Variants in RTN1 observed in about 807,000 individuals in gnomAD.
RTN1 encodes reticulon-1.
In RTN1, 25 loss-of-function variants were observed where a neutral mutation model predicts 65.5. The observed-to-expected ratio is 0.38, with a 90% confidence interval of 0.28 to 0.53. The LOEUF (loss-of-function observed/expected upper bound fraction) is 0.53, where lower values mean the gene tolerates loss of function less well. Among genes scored for constraint, RTN1 ranks in the 20% least tolerant of loss-of-function variants. The pLI, the probability that RTN1 is intolerant of heterozygous loss-of-function variation, is 0.79. For synonymous variants in RTN1, 471 were observed against 447.6 expected (o/e 1.05, Z -0.66); for missense variants, 983 against 1,025.4 (o/e 0.96, Z 0.57).
At chr14:59,639,141 T>G (rs1882725249) in intron 3 of RTN1, among the ~76,000 whole-genome samples, 1 of 152,112 alleles carries the variant, frequency 6.6e-6, no homozygotes, top group African/African-American at 2.4e-5. Context: ...GAATGGCCAG[T>G]TGGTTGAGCA....
At chr14:59,728,839 T>G (rs1308130894) in intron 2 of RTN1, among the ~76,000 whole-genome samples, 1 of 152,232 alleles carries the variant, frequency 6.6e-6, no homozygotes, top group African/African-American at 2.4e-5. Flanking sequence ...TTAGGCCCTT[T>G]TCTACACACT....
At chr14:59,682,196 TAC>T (rs1389383166) in intron 3 of RTN1, among the ~76,000 whole-genome samples, 3 of 152,202 alleles carry the variant, frequency 2.0e-5, no homozygotes, top group African/African-American at 7.2e-5. Context: ...TTGAGGACTT[TAC>T]ACACATTCTT....
At chr14:59,750,456 T>TATATA (rs1555358907) in intron 1 of RTN1, among the ~76,000 whole-genome samples, 4 of 27,564 alleles carry the variant, frequency 1.5e-4, no homozygotes, top group African/African-American at 5.2e-4. Flanking sequence ...ATCTATAATA[T>TATATA]ATATATCTAT....
rs1162362066 is a variant in RTN1, at chr14:59,836,736, AG to A, written c.241+33653del. Among the ~76,000 whole-genome samples, 1 of 152,194 alleles carries A rather than the reference AG, an allele frequency of 6.6e-6. No homozygotes were observed. The highest frequency in any genetic ancestry group is 1.5e-5 in the Non-Finnish European group (1 of 68,022). The stretch of plus-strand genomic sequence containing the variant: ...CCTGAAGCCAGACTTCAACAGGCAA[AG>A]ATGGGTCAAGGAGGAAGAAAGCCAA... On this transcript the variant is annotated intron_variant, in intron 1 of 8. Coordinates refer to ENST00000267484, the MANE Select transcript of RTN1 (RefSeq NM_021136.3). The surrounding 1 kb of genome is among the most constrained non-coding windows in gnomAD (Gnocchi z 4.9).
chr14:59,821,770 T>C (rs960154057), intron 1 of RTN1, among the ~76,000 whole-genome samples: 3 of 152,192 alleles, frequency 2.0e-5, no homozygotes, highest in Non-Finnish European at 4.4e-5. Flanking sequence ...ATCGAGATGA[T>C]TGTGTGGCTT....
At chr14:59,802,108 T>C (rs1222679192) in intron 1 of RTN1, among the ~76,000 whole-genome samples, 2 of 152,242 alleles carry the variant, frequency 1.3e-5, no homozygotes, top group African/African-American at 4.8e-5. Context: ...GAGTTACTAA[T>C]GTTAACTAAA....
At chr14:59,839,051 A>G (rs1161571791) in intron 1 of RTN1, among the ~76,000 whole-genome samples, 3 of 152,180 alleles carry the variant, frequency 2.0e-5, no homozygotes, top group Non-Finnish European at 4.4e-5. Flanking sequence ...CTTTCCAAAA[A>G]CTATTTTACT....
intron 1 of RTN1, among the ~76,000 whole-genome samples, chr14:59,821,017 T>C (rs1055947637): frequency 2.6e-5 from 4 of 152,222 alleles, no homozygotes; most frequent in Non-Finnish European, 4.4e-5. Flanking sequence ...CAAGTGAATT[T>C]CAGAACAGTT....
chr14:59,748,798 G>A (rs1380978564), intron 1 of RTN1, among the ~76,000 whole-genome samples: 4 of 151,802 alleles, frequency 2.6e-5, no homozygotes, highest in Non-Finnish European at 5.9e-5. Context: ...TGATATTTTT[G>A]TGGGGGCGGA....
intron 1 of RTN1, among the ~76,000 whole-genome samples, chr14:59,857,628 C>T (rs1333935102): frequency 6.6e-6 from 1 of 152,176 alleles, no homozygotes; most frequent in Non-Finnish European, 1.5e-5. Context: ...CCCATGGTTA[C>T]TTATTAGAGG....
chr14:59,641,236 G>A (rs1289561881), intron 3 of RTN1, among the ~76,000 whole-genome samples: 1 of 152,092 alleles, frequency 6.6e-6, no homozygotes, highest in Non-Finnish European at 1.5e-5. Flanking sequence ...CCAAGTGTTA[G>A]GATTACAGGT....
intron 2 of RTN1, among the ~76,000 whole-genome samples, chr14:59,738,321 A>T (rs1001048878): frequency 2.6e-5 from 4 of 152,176 alleles, no homozygotes; most frequent in African/African-American, 9.7e-5. Context: ...AAAATAAACA[A>T]CCTCATTAAA....
At chr14:59,602,591 T>C (rs1387451370) in intron 8 of RTN1, among the ~76,000 whole-genome samples, 3 of 152,186 alleles carry the variant, frequency 2.0e-5, no homozygotes, top group Non-Finnish European at 4.4e-5. Context: ...ATGTATTTAG[T>C]TGGCAAACAT....
chr14:59,821,200 G>A (rs952533342), intron 1 of RTN1, among the ~76,000 whole-genome samples: 1 of 152,054 alleles, frequency 6.6e-6, no homozygotes, highest in African/African-American at 2.4e-5. Context: ...ACAGTGTTTT[G>A]CAGTTCTCAC....
intron 1 of RTN1, among the ~76,000 whole-genome samples, chr14:59,800,155 T>C (rs2139599643): frequency 6.6e-6 from 1 of 152,116 alleles, no homozygotes; most frequent in African/African-American, 2.4e-5. Flanking sequence ...AAGCAGAAGG[T>C]AACAGTAACC....
intron 3 of RTN1, among the ~76,000 whole-genome samples, chr14:59,619,158 A>G (rs1468632430): frequency 6.6e-6 from 1 of 152,236 alleles, no homozygotes; most frequent in Non-Finnish European, 1.5e-5. Context: ...ATGGTGACTA[A>G]CTGTGGGAGA....
intron 1 of RTN1, among the ~76,000 whole-genome samples, chr14:59,759,103 C>T (rs1046283568): frequency 1.3e-5 from 2 of 152,094 alleles, no homozygotes; most frequent in African/African-American, 4.8e-5. Context: ...CCTGATTCAT[C>T]TTTTTGGTCA....
At chr14:59,708,257 C>T (rs1029500846) in intron 3 of RTN1, among the ~76,000 whole-genome samples, 5 of 152,202 alleles carry the variant, frequency 3.3e-5, no homozygotes, top group Admixed American at 6.5e-5. Flanking sequence ...AAAACAAGCT[C>T]GGTGTGGTAA....
intron 3 of RTN1, chr14:59,630,446 C>T (rs1485200762): frequency 6.2e-7 from 1 of 1,613,666 alleles, no homozygotes; most frequent in African/African-American, 1.3e-5. Context: ...AAGAGAATAC[C>T]CTGACTTTTC....
Sources: allele counts gnomAD v4.1 joint callset (sites outside exome capture counted in the v4.1 genomes callset), GRCh38; gene constraint gnomAD v4.1.1; non-coding constraint Gnocchi (gnomAD v3.1); transcripts MANE v1.5; gene names NCBI Gene and HGNC (gene_info 2026-07-23, HGNC 2026-07-21).